The following CYP39A1 variants were observed in gnomAD, a reference collection of about 807,000 sequenced individuals.
CYP39A1 encodes 24-hydroxycholesterol 7-alpha-hydroxylase.
CYP39A1 carries 49 observed loss-of-function variants against 58.1 expected under a neutral mutation model. The observed-to-expected ratio is 0.84, with a 90% CI of 0.67 to 1.07. The LOEUF (loss-of-function observed/expected upper bound fraction) is 1.07. Among genes scored for constraint, CYP39A1 ranks in the 50% least tolerant of loss-of-function variants. The pLI is 0.00. For missense variants in CYP39A1, 531 were observed against 539.4 expected (o/e 0.98, Z 0.16); for synonymous variants, 209 against 187.6 (o/e 1.11, Z -0.93).
intron 10 of CYP39A1, among the ~76,000 whole-genome samples, chr6:46,561,349 C>T (rs1401023022): frequency 6.6e-6 from 1 of 152,092 alleles, no homozygotes; most frequent in South Asian, 2.1e-4. Flanking sequence ...ATAAAAGGCC[C>T]CTGCCACTCT....
intron 11 of CYP39A1, among the ~76,000 whole-genome samples, chr6:46,552,491 C>T (rs1770453919): frequency 6.6e-6 from 1 of 152,200 alleles, no homozygotes; most frequent in Non-Finnish European, 1.5e-5. Context: ...CACTTACGCA[C>T]TTACATAATT....
At chr6:46,603,125 A>G (rs1773620783) in intron 7 of CYP39A1, among the ~76,000 whole-genome samples, 1 of 152,210 alleles carries the variant, frequency 6.6e-6, no homozygotes, top group Non-Finnish European at 1.5e-5. Flanking sequence ...GCCATAGCAT[A>G]GGGTATGAGT....
intron 7 of CYP39A1, among the ~76,000 whole-genome samples, chr6:46,596,689 C>T (rs1773183940): frequency 6.6e-6 from 1 of 151,554 alleles, no homozygotes; most frequent in Non-Finnish European, 1.5e-5. Context: ...ACTTTCTTAA[C>T]GTGATGTGCA....
At chr6:46,604,933 G>A (rs184960760) in intron 7 of CYP39A1, among the ~76,000 whole-genome samples, 3 of 151,486 alleles carry the variant, frequency 2.0e-5, no homozygotes, top group Admixed American at 6.6e-5. Flanking sequence ...GCTTCCCTGC[G>A]CCACATTGGA....
intron 7 of CYP39A1, among the ~76,000 whole-genome samples, chr6:46,616,633 A>G (rs920479455): frequency 3.3e-5 from 5 of 152,162 alleles, no homozygotes; most frequent in Admixed American, 6.5e-5. Context: ...ACCAAGAAAA[A>G]AGTAATATTT....
At chr6:46,631,166 A>T (rs1228353302) in intron 5 of CYP39A1, 96 bp from the exon 6 acceptor site, 6 of 980,588 alleles carry the variant, frequency 6.1e-6, no homozygotes, top group Non-Finnish European at 7.9e-6. Context: ...AATATGAAAG[A>T]TATCATTTCT....
At chr6:46,606,797 A>C (rs760728517) in intron 7 of CYP39A1, among the ~76,000 whole-genome samples, 1 of 152,230 alleles carries the variant, frequency 6.6e-6, no homozygotes, top group Admixed American at 6.5e-5. Flanking sequence ...AACACATTAC[A>C]TATGTTATAT....
rs199666566 is a variant in CYP39A1 at position 46,625,516 on chromosome 6, A to G, written c.841-8T>C. 3.1e-6 allele frequency: 5 copies of G among 1,594,346 alleles called. No homozygotes were observed. The African/African-American group carries it at 5.4e-5, about 17-fold the overall frequency. On this transcript the variant is annotated splice_region_variant and splice_polypyrimidine_tract_variant and intron_variant, in intron 6 of 11. Transcript: ENST00000275016. ...AAGTGTCCAAAATGCAACCTTAAAAAGAAAAACATATATCAAAAATATGAA... is the reference window on the plus strand; with the variant it reads ...AAGTGTCCAAAATGCAACCTTAAAAGGAAAAACATATATCAAAAATATGAA...
At chr6:46,560,171 C>G (rs902942193) in intron 10 of CYP39A1, among the ~76,000 whole-genome samples, 3 of 151,944 alleles carry the variant, frequency 2.0e-5, no homozygotes, top group African/African-American at 7.3e-5. Context: ...GATGAGAAGG[C>G]TAGTATTGAG....
At chr6:46,616,727 A>G (rs111444420) in intron 7 of CYP39A1, among the ~76,000 whole-genome samples, 18 of 152,246 alleles carry the variant, frequency 1.2e-4, no homozygotes, top group African/African-American at 3.8e-4. Flanking sequence ...TAATAAATGA[A>G]TGGGTGTGGC....
chr6:46,572,792 T>A (rs1320123365), intron 10 of CYP39A1, among the ~76,000 whole-genome samples: 1 of 152,152 alleles, frequency 6.6e-6, no homozygotes, highest in African/African-American at 2.4e-5. Flanking sequence ...ACTTTTATGA[T>A]GCATACATTG....
intron 6 of CYP39A1, among the ~76,000 whole-genome samples, chr6:46,629,287 T>A (rs1289625427): frequency 6.6e-6 from 1 of 152,212 alleles, no homozygotes; most frequent in African/African-American, 2.4e-5. Flanking sequence ...GCTTTGTGTG[T>A]CTTTCTTCCG....
intron 10 of CYP39A1, among the ~76,000 whole-genome samples, chr6:46,573,157 C>T (rs534573552): frequency 3.9e-4 from 59 of 152,120 alleles, no homozygotes; most frequent in African/African-American, 1.4e-3. Flanking sequence ...AGATCTCTAA[C>T]TCTTTAGGGT....
At chr6:46,652,246 T>C (rs1421843188) in intron 1 of CYP39A1, among the ~76,000 whole-genome samples, 160 bp downstream of exon 1, 1 of 152,228 alleles carries the variant, frequency 6.6e-6, no homozygotes, top group Non-Finnish European at 1.5e-5. Flanking sequence ...GATATTGTTG[T>C]TAATTGTTAG....
intron 1 of CYP39A1, among the ~76,000 whole-genome samples, chr6:46,643,286 A>C (rs1776459219): frequency 6.6e-6 from 1 of 152,176 alleles, no homozygotes. Flanking sequence ...TTCATATTCC[A>C]TTACAGCATT....
At chr6:46,587,973 C>T in intron 9 of CYP39A1, 61 bp downstream of exon 9, 1 of 993,154 alleles carries the variant, frequency 1.0e-6, no homozygotes, top group Non-Finnish European at 1.5e-6. Context: ...CTGAATTTAC[C>T]CTTCTGAAAT....
At chr6:46,634,411 T>G (rs181440981) in intron 5 of CYP39A1, among the ~76,000 whole-genome samples, 1 of 152,208 alleles carries the variant, frequency 6.6e-6, no homozygotes, top group Non-Finnish European at 1.5e-5. Context: ...CTAATACAAA[T>G]AGGGAGTTAA....
At position 46,637,899 on chromosome 6, in the gene CYP39A1, A is replaced by G. The variant is rs1776087817; in HGVS notation, c.568T>C (p.Phe190Leu). The change falls in exon 4 of 12, where the codon TTC becomes CTC. Residue 190 changes from phenylalanine to leucine, a missense_variant. By Grantham distance (22) the Phe-to-Leu change is conservative. Coordinates refer to ENST00000275016, the MANE Select transcript of CYP39A1 (RefSeq NM_016593.5). ...FSTNKKKIKE[F>L]HQYFQVYDED... ...TCATAAACTTGAAAATACTGATGGA[A>G]CTCCTTGATTTTTTTCTTGTTTGTG... 1.2e-6 allele frequency: 2 copies of G among 1,612,980 alleles called. No individual in the cohort carries two copies. The highest frequency in any genetic ancestry group is 3.3e-5 in the Admixed American group (2 of 59,746).
intron 10 of CYP39A1, among the ~76,000 whole-genome samples, chr6:46,575,361 G>A (rs572437506): frequency 4.1e-4 from 63 of 152,274 alleles, no homozygotes; most frequent in African/African-American, 1.5e-3. Context: ...GGGTTGTCTT[G>A]TCCATGCAGT....
Sources: allele counts gnomAD v4.1 joint callset (sites outside exome capture counted in the v4.1 genomes callset), GRCh38; gene constraint gnomAD v4.1.1; transcripts MANE v1.5; gene names NCBI Gene and HGNC (gene_info 2026-07-23, HGNC 2026-07-21).